LRRTM4: variants seen among roughly 807,000 people sequenced by gnomAD.
LRRTM4 encodes the protein leucine rich repeat transmembrane neuronal 4.
LRRTM4 carries 25 observed loss-of-function variants against 47.6 expected under a neutral mutation model. The observed-to-expected ratio is 0.53, with a 90% CI of 0.38 to 0.73. The LOEUF (loss-of-function observed/expected upper bound fraction) is 0.73, where lower values mean the gene tolerates loss of function less well. Ranked by LOEUF, LRRTM4 falls within the 30% of genes least tolerant of loss-of-function variation. The probability of loss-of-function intolerance (pLI) is 0.00; values close to 1 mark genes in which losing one functional copy is unlikely to be tolerated. For synonymous variants in LRRTM4, 311 were observed against 269.5 expected, an observed-to-expected ratio of 1.15 and a Z score of -1.51; for missense variants, 638 against 713.4, an observed-to-expected ratio of 0.89 and a Z score of 1.20.
At chr2:77,195,334 G>C (rs994485711) in intron 3 of LRRTM4, among the ~76,000 whole-genome samples, 4 of 151,816 alleles carry the variant, frequency 2.6e-5, no homozygotes, top group African/African-American at 9.7e-5. Context: ...CTTTGGCACT[G>C]TTTCATAGAA....
At chr2:76,890,521 A>T (rs543949505) in intron 3 of LRRTM4, among the ~76,000 whole-genome samples, 32 of 152,124 alleles carry the variant, frequency 2.1e-4, no homozygotes, top group African/African-American at 7.7e-4. Context: ...TCTCAGACTC[A>T]GTTAACACTT....
chr2:76,773,073 G>A (rs1245391991), intron 3 of LRRTM4: 1 of 152,148 alleles, frequency 6.6e-6, no homozygotes, highest in Non-Finnish European at 1.5e-5. Flanking sequence ...GTACTATTGT[G>A]TGCCTTTTCC....
chr2:76,779,613 G>A (rs1157868119), intron 3 of LRRTM4, among the ~76,000 whole-genome samples: 4 of 150,486 alleles, frequency 2.7e-5, no homozygotes, highest in Non-Finnish European at 5.9e-5. Context: ...CCATTGGCTT[G>A]GTAGATCTTC....
intron 3 of LRRTM4, among the ~76,000 whole-genome samples, chr2:77,486,446 T>C (rs985345566): frequency 2.0e-5 from 3 of 152,196 alleles, no homozygotes; most frequent in Non-Finnish European, 2.9e-5. Flanking sequence ...TATAAGAAAC[T>C]GTAATGTACT....
At chr2:76,965,409 A>G (rs530467151) in intron 3 of LRRTM4, among the ~76,000 whole-genome samples, 40 of 151,444 alleles carry the variant, frequency 2.6e-4, no homozygotes, top group African/African-American at 8.4e-4. Context: ...ATGAAAATCA[A>G]TTTATGTTAT....
intron 3 of LRRTM4, among the ~76,000 whole-genome samples, chr2:77,013,435 A>G (rs993623066): frequency 6.6e-5 from 10 of 152,154 alleles, no homozygotes; most frequent in African/African-American, 2.2e-4. Flanking sequence ...TCGCCTTGTA[A>G]TGAGCATTGG....
intron 3 of LRRTM4, among the ~76,000 whole-genome samples, chr2:76,940,234 C>T (rs1454974060): frequency 6.6e-6 from 1 of 152,136 alleles, no homozygotes; most frequent in Non-Finnish European, 1.5e-5. Flanking sequence ...GACATCGAAT[C>T]AACCTAGAGG....
intron 3 of LRRTM4, among the ~76,000 whole-genome samples, chr2:77,021,543 T>C (rs897543075): frequency 3.9e-5 from 6 of 152,180 alleles, no homozygotes; most frequent in African/African-American, 1.4e-4. Context: ...TCTAGGCTTG[T>C]CAGTTGGCAT....
At chr2:76,907,381 G>C (rs1371315953) in intron 3 of LRRTM4, among the ~76,000 whole-genome samples, 20 of 150,870 alleles carry the variant, frequency 1.3e-4, no homozygotes, top group African/African-American at 2.0e-4. Context: ...ATGCCCACAA[G>C]AAAAAGCAGG....
At chr2:76,796,690 TA>T (rs1408024432) in intron 3 of LRRTM4, among the ~76,000 whole-genome samples, 3 of 128,340 alleles carry the variant, frequency 2.3e-5, no homozygotes, top group Middle Eastern at 3.8e-3. Flanking sequence ...CAAAAGTAGA[TA>T]AAAACCACAA....
intron 3 of LRRTM4, among the ~76,000 whole-genome samples, chr2:77,443,946 T>C (rs1675945400): frequency 6.6e-6 from 1 of 152,000 alleles, no homozygotes. Context: ...GGTGGAAAGA[T>C]GGAAGTTTGA....
chr2:77,183,449 G>T (rs1673407390), intron 3 of LRRTM4, among the ~76,000 whole-genome samples: 1 of 152,170 alleles, frequency 6.6e-6, no homozygotes, highest in African/African-American at 2.4e-5. Flanking sequence ...TGGAGAGGAT[G>T]TGGAGAAATA....
chr2:76,816,797 T>C (rs937187541), intron 3 of LRRTM4, among the ~76,000 whole-genome samples: 26 of 146,890 alleles, frequency 1.8e-4, no homozygotes, highest in Admixed American at 1.7e-3. Context: ...ATCTGAACAC[T>C]GCTTTTACTT....
intron 3 of LRRTM4, among the ~76,000 whole-genome samples, chr2:77,035,280 C>A: frequency 6.7e-6 from 1 of 148,356 alleles, no homozygotes. Flanking sequence ...AACAAACAAA[C>A]AAACAAAAAA....
At chr2:77,146,963 A>G (rs1199819754) in intron 3 of LRRTM4, among the ~76,000 whole-genome samples, 6 of 152,214 alleles carry the variant, frequency 3.9e-5, no homozygotes, top group Non-Finnish European at 8.8e-5. Context: ...AATTAATTTA[A>G]TAATGAATGT....
chr2:77,015,506 A>G (rs891040580), intron 3 of LRRTM4, among the ~76,000 whole-genome samples: 33 of 151,966 alleles, frequency 2.2e-4, no homozygotes, highest in African/African-American at 8.0e-4. Flanking sequence ...TTGTACTTCT[A>G]GTAGATACAG....
At chr2:77,265,535 C>T (rs900717708) in intron 3 of LRRTM4, among the ~76,000 whole-genome samples, 2 of 152,066 alleles carry the variant, frequency 1.3e-5, no homozygotes, top group Admixed American at 1.3e-4. Context: ...TTGAACTTCC[C>T]AGCCTCCAGA....
chr2:77,437,480 C>A (rs1257772160), intron 3 of LRRTM4, among the ~76,000 whole-genome samples: 1 of 151,876 alleles, frequency 6.6e-6, no homozygotes, highest in Non-Finnish European at 1.5e-5. Context: ...TAAAAATAAC[C>A]AAGTTACTTT....
intron 3 of LRRTM4, among the ~76,000 whole-genome samples, chr2:77,337,201 C>T (rs531454721): frequency 6.6e-5 from 10 of 152,192 alleles, no homozygotes; most frequent in African/African-American, 2.4e-4. Context: ...TTACAAAACA[C>T]TTCTGAAGGA....
Sources: allele counts gnomAD v4.1 joint callset (sites outside exome capture counted in the v4.1 genomes callset), GRCh38; gene constraint gnomAD v4.1.1; transcripts MANE v1.5; gene names NCBI Gene and HGNC (gene_info 2026-07-23, HGNC 2026-07-21).